The following SNX29 variants were observed in gnomAD, a reference collection of about 807,000 sequenced individuals.
SNX29 encodes the protein sorting nexin-29.
SNX29 carries 78 observed loss-of-function variants against 102.1 expected under a neutral mutation model. The ratio of observed to expected loss-of-function variants is 0.76; its 90% confidence interval spans 0.64 to 0.92. SNX29 has a LOEUF of 0.92. SNX29 is among the 40% of genes least tolerant of loss of function. SNX29 has a pLI of 0.00. For synonymous variants in SNX29, 580 were observed against 414.5 expected (o/e 1.40, Z -4.85); for missense variants, 1,280 against 1,061.7 (o/e 1.21, Z -2.86).
rs183782226 is a variant in SNX29, at chr16:12,207,547, C to T, written c.1678+7864C>T. Among the ~76,000 whole-genome samples, 78 of 152,256 alleles carry T rather than the reference C, an allele frequency of 5.1e-4. 1 individual carries two copies. Among genetic ancestry groups the T allele is most frequent in the African/African-American group, 1.7e-3 (69 of 41,544 alleles). On this transcript the variant is annotated intron_variant, in intron 14 of 20. Transcript: ENST00000566228. ...GACCCTTCCTGTTCCACCGCAGTGT[C>T]TCGCTCTCACTGCTCATCACAGAGC...
chr16:12,420,991 C>T (rs766301329), intron 18 of SNX29, among the ~76,000 whole-genome samples: 5 of 152,146 alleles, frequency 3.3e-5, no homozygotes, highest in Admixed American at 6.5e-5. Flanking sequence ...AGGTGCTATG[C>T]GGGGTACTTT....
At chr16:12,168,739 C>T (rs973589498) in intron 13 of SNX29, among the ~76,000 whole-genome samples, 1 of 152,198 alleles carries the variant, frequency 6.6e-6, no homozygotes, top group Non-Finnish European at 1.5e-5. Context: ...TTAACAATAA[C>T]GTATTGAGTT....
chr16:12,193,039 T>C (rs2076683210), intron 13 of SNX29, among the ~76,000 whole-genome samples: 1 of 151,664 alleles, frequency 6.6e-6, no homozygotes, highest in African/African-American at 2.4e-5. Flanking sequence ...CTTGCTGTAT[T>C]GCCCAGGCTA....
chr16:12,467,054 C>G (rs2087087632), intron 18 of SNX29, among the ~76,000 whole-genome samples: 1 of 152,190 alleles, frequency 6.6e-6, no homozygotes, highest in Admixed American at 6.5e-5. Context: ...AAGGCAGTGG[C>G]CAGTGATGCG....
At chr16:12,057,428 C>G (rs914434680) in intron 8 of SNX29, among the ~76,000 whole-genome samples, 1 of 152,116 alleles carries the variant, frequency 6.6e-6, no homozygotes, top group East Asian at 1.9e-4. Flanking sequence ...AGGGGCTGAC[C>G]TCATAGACAG....
At chr16:12,562,977 C>A (rs1044474663) in intron 20 of SNX29, among the ~76,000 whole-genome samples, 1 of 106,996 alleles carries the variant, frequency 9.3e-6, no homozygotes, top group East Asian at 3.8e-4. Context: ...GGGGTGAGGG[C>A]TGATGCGTAA....
chr16:12,238,370 C>T (rs1243280016), intron 14 of SNX29, among the ~76,000 whole-genome samples: 6 of 150,204 alleles, frequency 4.0e-5, no homozygotes, highest in African/African-American at 7.4e-5. Context: ...CTGGGAGGAT[C>T]GCTTGACCAC....
intron 16 of SNX29, among the ~76,000 whole-genome samples, chr16:12,378,773 C>T (rs1278725142): frequency 1.3e-5 from 2 of 152,198 alleles, no homozygotes; most frequent in African/African-American, 4.8e-5. Flanking sequence ...ACATTTCTGC[C>T]TGACTCCGTT....
At position 12,029,843 on chromosome 16, in the gene SNX29, C is replaced by T. The variant is rs553652400; in HGVS notation, c.247+2399C>T. 27 of 341,862 alleles carry T rather than the reference C, an allele frequency of 7.9e-5. No homozygotes were observed. The East Asian group carries it at 7.9e-4, about 10-fold the overall frequency. The allele number at this position is 341,862 out of a possible 1,614,324, so 21.2% of individuals were successfully genotyped here. A position where few individuals can be genotyped will look rare whatever the true frequency, so the allele number is the denominator to read the frequency against. ...CTGACTTCAGGTAATCTGCCCGCCT[C>T]GACCTCCCAAAGTGCTGGGATTACA... is the stretch of plus-strand genomic sequence containing the variant. On this transcript the variant is annotated intron_variant, in intron 4 of 20. Coordinates refer to ENST00000566228, the MANE Select transcript of SNX29 (RefSeq NM_032167.5).
At chr16:12,356,322 G>T in intron 16 of SNX29, 43 bp downstream of exon 16, 1 of 1,518,186 alleles carries the variant, frequency 6.6e-7, no homozygotes, top group Non-Finnish European at 9.0e-7. Flanking sequence ...AGCCTCTGCT[G>T]CCCACAGCCC....
intron 20 of SNX29, among the ~76,000 whole-genome samples, chr16:12,537,705 G>A (rs762131568): frequency 6.6e-6 from 1 of 152,000 alleles, no homozygotes; most frequent in Non-Finnish European, 1.5e-5. Flanking sequence ...ACTTCACTTT[G>A]GAAAAAGGGA....
intron 11 of SNX29, among the ~76,000 whole-genome samples, chr16:12,110,829 AT>A (rs397972097): frequency 7.4e-4 from 109 of 148,062 alleles, no homozygotes; most frequent in Admixed American, 2.2e-3. Context: ...TTCTTTTTTA[AT>A]TTTTTTTTTT....
chr16:12,198,991 A>G (rs567281361), intron 13 of SNX29, among the ~76,000 whole-genome samples: 1 of 152,116 alleles, frequency 6.6e-6, no homozygotes, highest in African/African-American at 2.4e-5. Flanking sequence ...GGGTCCTGTC[A>G]TACCCTGGGT....
intron 16 of SNX29, among the ~76,000 whole-genome samples, chr16:12,365,016 C>T (rs2082420361): frequency 6.6e-6 from 1 of 152,078 alleles, no homozygotes; most frequent in African/African-American, 2.4e-5. Context: ...CTTATTAGGC[C>T]CATTTTTCAG....
chr16:12,130,474 CA>C (rs71139578), intron 13 of SNX29, among the ~76,000 whole-genome samples: 1,128 of 56,072 alleles, frequency 0.02, 3 homozygotes, highest in Middle Eastern at 0.05. Context: ...GACTCCGTCT[CA>C]AAAAAAAAAA....
At chr16:12,536,460 C>T (rs553569411) in intron 20 of SNX29, among the ~76,000 whole-genome samples, 1 of 152,208 alleles carries the variant, frequency 6.6e-6, no homozygotes, top group East Asian at 1.9e-4. Context: ...TGACTCAAGG[C>T]TATGCCGTTT....
chr16:12,158,003 C>T (rs575916299), intron 13 of SNX29, among the ~76,000 whole-genome samples: 1 of 152,108 alleles, frequency 6.6e-6, no homozygotes, highest in East Asian at 1.9e-4. Context: ...CATTACATCA[C>T]AGCATCTGGT....
chr16:12,131,064 C>A lies in SNX29; in HGVS notation c.1595+1306C>A, dbSNP rs1036113211. Among the ~76,000 whole-genome samples, 3 of 152,204 alleles carry A rather than the reference C, an allele frequency of 2.0e-5. No individual in the cohort carries two copies. The East Asian group carries it at 5.8e-4, about 29-fold the overall frequency. On this transcript the variant is annotated intron_variant, in intron 13 of 20. Coordinates refer to ENST00000566228, the MANE Select transcript of SNX29 (RefSeq NM_032167.5). ...AAGTGCAGCGCATTTGTAAGTCGGA[C>A]AGGGACCATCAACTCGCCTGGCACG...
chr16:12,554,098 G>A lies in SNX29; in HGVS notation c.2319-14408G>A, dbSNP rs1034512314. ...ACCTTGGCCTCCCAAAAGCACTTGG[G>A]ATTACAGGTCTAAGCCACCATGCCC... On this transcript the variant is annotated intron_variant, in intron 20 of 20. Coordinates refer to ENST00000566228, the MANE Select transcript of SNX29 (RefSeq NM_032167.5). Among the ~76,000 whole-genome samples the A allele has an allele frequency of 5.3e-5, 8 of 152,336 alleles. No individual in the cohort carries two copies. The East Asian group carries it at 7.7e-4, about 15-fold the overall frequency.
Sources: allele counts gnomAD v4.1 joint callset (sites outside exome capture counted in the v4.1 genomes callset), GRCh38; gene constraint gnomAD v4.1.1; transcripts MANE v1.5; gene names NCBI Gene and HGNC (gene_info 2026-07-23, HGNC 2026-07-21).